VWDE: variants seen among roughly 807,000 people sequenced by gnomAD.
VWDE encodes the protein von Willebrand factor D and EGF domain-containing protein.
Under a neutral mutation model 178.4 loss-of-function variants are expected in VWDE, and 207 were observed. The ratio of observed to expected loss-of-function variants is 1.16; its 90% confidence interval spans 1.04 to 1.30. The LOEUF is 1.30. Among genes scored for constraint, VWDE ranks in the 50% most tolerant of loss-of-function variants. The pLI is 0.00. For synonymous variants in VWDE, 738 were observed against 651.4 expected, an observed-to-expected ratio of 1.13 and a Z score of -2.02; for missense variants, 2,287 against 1,901.3, an observed-to-expected ratio of 1.20 and a Z score of -3.77.
intron 6 of VWDE, 27 bp from the exon 7 acceptor site, chr7:12,377,947 T>C (rs764327690): frequency 2.1e-5 from 28 of 1,344,466 alleles, no homozygotes; most frequent in Non-Finnish European, 2.6e-5. Flanking sequence ...CGTAGAAAAA[T>C]TATGTTAAAA....
At chr7:12,348,038 T>C (rs1583285849) in intron 19 of VWDE, among the ~76,000 whole-genome samples, 2 of 152,300 alleles carry the variant, frequency 1.3e-5, no homozygotes. Context: ...AAGCTGAAAC[T>C]GGATCCCTTC....
In VWDE at chr7:12,344,451, C is replaced by T; in HGVS notation, c.3905G>A (p.Cys1302Tyr). The T allele has an allele frequency of 3.2e-6, 5 of 1,549,832 alleles. No homozygotes were observed. The highest frequency in any genetic ancestry group is 4.4e-6 in the Non-Finnish European group (5 of 1,146,190). The change falls in exon 20 of 29, where the codon TGT (cysteine) becomes TAT (tyrosine). Residue 1302 changes from cysteine to tyrosine, a missense_variant. Physicochemically the swap from Cys to Tyr is radical, Grantham distance 194 (BLOSUM62 -2). Coordinates refer to ENST00000275358, the MANE Select transcript of VWDE (RefSeq NM_001135924.3). ...GGCAACACACTCCCTACTTTTTCCA[C>T]ATGGATATTTACAAATGGCTAAAAA... ...GNAFTICKYP[C>Y]GKSRECVAPN...
intron 27 of VWDE, among the ~76,000 whole-genome samples, chr7:12,333,949 C>A (rs1780873517): frequency 1.3e-5 from 2 of 151,984 alleles, no homozygotes; most frequent in African/African-American, 4.8e-5. Flanking sequence ...TTAAAAGAGA[C>A]AACCCAGTAC....
At chr7:12,390,400 T>G (rs547091566) in intron 2 of VWDE, among the ~76,000 whole-genome samples, 34 of 152,042 alleles carry the variant, frequency 2.2e-4, no homozygotes, top group African/African-American at 8.2e-4. Context: ...AGTGCCATAG[T>G]GAGGTATAGA....
intron 19 of VWDE, among the ~76,000 whole-genome samples, chr7:12,349,688 T>G (rs74332169): frequency 0.028 from 4,289 of 151,568 alleles, 206 homozygotes; most frequent in African/African-American, 0.099. Context: ...CAAAAGGATA[T>G]CAATTAGCAC....
chr7:12,354,046 T>A (rs1782088609), intron 18 of VWDE: 1 of 158,302 alleles, frequency 6.3e-6, no homozygotes. Flanking sequence ...TTTTTCATTA[T>A]TTCTCCAGGT....
At chr7:12,352,762 C>T (rs960967578) in intron 18 of VWDE, among the ~76,000 whole-genome samples, 17 of 152,230 alleles carry the variant, frequency 1.1e-4, no homozygotes, top group African/African-American at 1.7e-4. Flanking sequence ...TTCCTTAGTA[C>T]ATAATTGTCA....
Position 12,344,392 on chromosome 7 carries a change from C to T in VWDE, c.3964G>A (p.Gly1322Ser). 1 of 1,550,698 alleles carries T rather than the reference C, an allele frequency of 6.4e-7. No individual in the cohort carries two copies. Among genetic ancestry groups the T allele is most frequent in the Non-Finnish European group, 8.7e-7 (1 of 1,146,462 alleles). Reference sequence around the variant, plus strand: ...TACCTACCAGTTTGGCAGTTAGAACCAATGTAACCAGGTTTACATTTGCAG... The same window carrying T: ...TACCTACCAGTTTGGCAGTTAGAACTAATGTAACCAGGTTTACATTTGCAG... ...NICKCKPGYI[G>S]SNCQTALCDP... The change falls in exon 20 of 29, where the codon GGT becomes AGT. Residue 1322 changes from glycine to serine, a missense_variant. Transcript: ENST00000275358.
rs1783301981 is a variant in VWDE, at chr7:12,373,094, A to T, written c.1470T>A (p.Val490=). 6.4e-7 allele frequency: 1 copy of T among 1,551,184 alleles called. No homozygotes were observed. Among genetic ancestry groups the T allele is most frequent in the Admixed American group, 2.0e-5 (1 of 50,940 alleles). The change falls in exon 10 of 29, where the codon GTT becomes GTA. Residue 490 remains valine, a synonymous_variant. Transcript: ENST00000275358. ...GFVAQEGGDI[V]TFDMCNGQLR... ...GCTGACCATTGCACATATCAAAAGTAACTATATCACCTCCTTCCTGGGCAA... is the reference window on the plus strand; with the variant it reads ...GCTGACCATTGCACATATCAAAAGTTACTATATCACCTCCTTCCTGGGCAA...
intron 27 of VWDE, among the ~76,000 whole-genome samples, chr7:12,334,484 G>A (rs1780905127): frequency 6.6e-6 from 1 of 152,016 alleles, no homozygotes; most frequent in South Asian, 2.1e-4. Context: ...GTATACAATT[G>A]GGCAGGTTGT....
At chr7:12,399,333 G>T (rs184863993) in intron 1 of VWDE, among the ~76,000 whole-genome samples, 1 of 152,192 alleles carries the variant, frequency 6.6e-6, no homozygotes. Context: ...CCAGAGACAA[G>T]AGGGACACTT....
At chr7:12,402,695 C>T (rs1018365548) in intron 1 of VWDE, among the ~76,000 whole-genome samples, 2 of 151,862 alleles carry the variant, frequency 1.3e-5, no homozygotes. Flanking sequence ...AAAGAAGGAC[C>T]AGAAAAAATA....
rs1426419657 is a variant in VWDE at position 12,369,615 on chromosome 7, A to T, written c.2691T>A (p.Asn897Lys). The change falls in exon 12 of 29, where the codon AAT becomes AAA. Residue 897 changes from asparagine to lysine, a missense_variant. Coordinates refer to ENST00000275358, the MANE Select transcript of VWDE (RefSeq NM_001135924.3). Reference protein sequence around the residue: ...VLKCPNLCSGNGQCMEWGCAC... With the variant: ...VLKCPNLCSGKGQCMEWGCAC... ...CACACCCCCATTCCATGCACTGCCC[A>T]TTGCCGCTGCATAAATTGGGGCATT... 1.3e-6 allele frequency: 2 copies of T among 1,551,502 alleles called. No individual in the cohort carries two copies. Among genetic ancestry groups the T allele is most frequent in the South Asian group, 2.4e-5 (2 of 84,044 alleles).
Position 12,374,400 on chromosome 7 carries a change from C to T in VWDE, c.1316+289G>A, listed in dbSNP as rs191912658. On this transcript the variant is annotated intron_variant, in intron 9 of 28. Transcript: ENST00000275358. Reference sequence around the variant, plus strand: ...ACATCTTTAGAGTAAATAATTTAATCATTATTAAAAATTTAAAGAGTCTAG... The same window carrying T: ...ACATCTTTAGAGTAAATAATTTAATTATTATTAAAAATTTAAAGAGTCTAG... 2.9e-3 allele frequency among the ~76,000 whole-genome samples: 439 copies of T among 151,934 alleles called. 1 individual carries two copies. Among genetic ancestry groups the T allele is most frequent in the South Asian group, 8.5e-3 (41 of 4,808 alleles).
rs1298212658 is a variant in VWDE, at chr7:12,403,683, G to C, written c.34C>G (p.Leu12Val). The change falls in exon 1 of 29, where the codon CTG becomes GTG. Residue 12 changes from leucine (L) to valine (V), a missense_variant. Leu to Val is a conservative substitution (Grantham distance 32). Coordinates refer to ENST00000275358, the MANE Select transcript of VWDE (RefSeq NM_001135924.3). Reference protein sequence around the residue: ...PGGACVLVIALMFLAWGEAQE... With the variant: ...PGGACVLVIAVMFLAWGEAQE... ...CCTTCCCCCCAGGCCAGGAACATCAGCGCGATCACCAGCACGCAGGCTCCG... is the reference window on the plus strand; with the variant it reads ...CCTTCCCCCCAGGCCAGGAACATCACCGCGATCACCAGCACGCAGGCTCCG... The C allele has an allele frequency of 1.3e-6, 2 of 1,548,062 alleles. No individual in the cohort carries two copies. The highest frequency in any genetic ancestry group is 1.4e-5 in the African/African-American group (1 of 73,040).
In VWDE at chr7:12,403,783, C is replaced by A. The variant is rs1785032404; in HGVS notation, c.-67G>T. 2.7e-6 allele frequency: 4 copies of A among 1,491,688 alleles called. No homozygotes were observed. The South Asian group carries it at 4.9e-5, about 18-fold the overall frequency. The allele number at this position is 1,491,688 out of a possible 1,614,324, so 92.4% of individuals were successfully genotyped here. A position where few individuals can be genotyped will look rare whatever the true frequency, so the allele number is the denominator to read the frequency against. On this transcript the variant is annotated 5_prime_UTR_variant, in exon 1 of 29. Coordinates refer to ENST00000275358, the MANE Select transcript of VWDE (RefSeq NM_001135924.3). ...GGCCGCGGGTGCCAGGAGGATGGGG[C>A]CACAGCAGCCCCTCGGGCCTCCTTT...
At chr7:12,383,508 T>A (rs925152114) in intron 4 of VWDE, 28 bp downstream of exon 4, 2 of 1,533,362 alleles carry the variant, frequency 1.3e-6, no homozygotes, top group South Asian at 1.2e-5. Context: ...ATAAAAACAC[T>A]ATTAAAAAAG....
intron 1 of VWDE, 68 bp downstream of exon 1, chr7:12,403,591 A>G: frequency 6.8e-7 from 1 of 1,469,934 alleles, no homozygotes; most frequent in South Asian, 1.3e-5. Context: ...CAAAAAGTCT[A>G]GCCTAGTCCC....
intron 19 of VWDE, among the ~76,000 whole-genome samples, chr7:12,348,254 A>G (rs1244452095): frequency 2.7e-5 from 4 of 148,524 alleles, no homozygotes; most frequent in Non-Finnish European, 5.9e-5. Context: ...GAGCTTCTGC[A>G]CAGCAAAAGA....
Sources: gnomAD v4.1 joint callset for allele counts (sites outside exome capture counted in the v4.1 genomes callset) on GRCh38, gnomAD v4.1.1 for gene constraint, MANE v1.5 for transcripts, NCBI Gene and HGNC (gene_info 2026-07-23, HGNC 2026-07-21) for gene names.